Variants in EFCAB13 observed in about 807,000 individuals in gnomAD.
EFCAB13 encodes EF-hand calcium-binding domain-containing protein 13.
Under a neutral mutation model 110.2 loss-of-function variants are expected in EFCAB13, and 91 were observed. The ratio of observed to expected loss-of-function variants is 0.83; its 90% CI spans 0.70 to 0.98. The LOEUF (loss-of-function observed/expected upper bound fraction) is 0.98, where lower values mean the gene tolerates loss of function less well. Among genes scored for constraint, EFCAB13 ranks in the 50% least tolerant of loss-of-function variants. EFCAB13 has a pLI of 0.00. For synonymous variants in EFCAB13, 323 were observed against 369.9 expected (o/e 0.87, Z 1.45); for missense variants, 968 against 1,119.4 (o/e 0.86, Z 1.93).
At chr17:47,396,085 T>C in intron 17 of EFCAB13, 108 bp downstream of exon 17, 1 of 894,012 alleles carries the variant, frequency 1.1e-6, no homozygotes, top group South Asian at 3.0e-5. Flanking sequence ...TGTTCGAATA[T>C]GATTGAAATG....
intron 16 of EFCAB13, 23 bp downstream of exon 16, chr17:47,394,122 C>G (rs2065724799): frequency 6.9e-7 from 1 of 1,452,872 alleles, no homozygotes; most frequent in South Asian, 1.5e-5. Context: ...ATCATGTCTT[C>G]TGCTTTTTGT....
chr17:47,425,764 T>C (rs1322176113), intron 23 of EFCAB13, among the ~76,000 whole-genome samples: 2 of 152,196 alleles, frequency 1.3e-5, no homozygotes, highest in African/African-American at 4.8e-5. Flanking sequence ...GTTGATTCAA[T>C]AGCATGTTAA....
chr17:47,424,872 A>ATTTTTTTTTTTTTT (rs1459453287), intron 23 of EFCAB13, among the ~76,000 whole-genome samples: 12 of 68,364 alleles, frequency 1.8e-4, no homozygotes, highest in South Asian at 4.1e-4. Flanking sequence ...CCGGTTGACA[A>ATTTTTTTTTTTTTT]TCTTTTTTTT....
In EFCAB13 at chr17:47,377,829, C is replaced by G; in HGVS notation, c.1436C>G (p.Ser479Cys). The G allele has an allele frequency of 6.3e-7, 1 of 1,595,894 alleles. No homozygotes were observed. Among genetic ancestry groups the G allele is most frequent in the Non-Finnish European group, 8.5e-7 (1 of 1,175,392 alleles). The change falls in exon 13 of 25, where the codon TCT (serine) becomes TGT (cysteine). Residue 479 changes from serine to cysteine, a missense_variant. Coordinates refer to ENST00000331493, the MANE Select transcript of EFCAB13 (RefSeq NM_152347.5). The stretch of plus-strand genomic sequence containing the variant: ...TACATTGCAGCAGAAGAACTTCAGT[C>G]TATTTTGCCTTCAACAGGAATTAAT... ...ENYIAAEELQ[S>C]ILPSTGINLL...
chr17:47,348,511 A>T (rs1452004467), intron 9 of EFCAB13, among the ~76,000 whole-genome samples: 1 of 152,132 alleles, frequency 6.6e-6, no homozygotes, highest in Non-Finnish European at 1.5e-5. Context: ...CATTATGTAT[A>T]TAATCTTTTG....
intron 17 of EFCAB13, among the ~76,000 whole-genome samples, chr17:47,398,867 A>G (rs939054532): frequency 3.9e-4 from 59 of 152,142 alleles, no homozygotes; most frequent in Non-Finnish European, 8.8e-5. Context: ...ATAAATAAAT[A>G]AATAAAATAA....
intron 4 of EFCAB13, among the ~76,000 whole-genome samples, chr17:47,329,216 G>A (rs904755580): frequency 5.3e-5 from 8 of 152,014 alleles, no homozygotes; most frequent in Non-Finnish European, 1.0e-4. Context: ...AGTAAACAAG[G>A]GGGGCATTCC....
chr17:47,402,043 A>C, intron 17 of EFCAB13, 89 bp from the exon 18 acceptor site: 4 of 944,366 alleles, frequency 4.2e-6, no homozygotes, highest in Non-Finnish European at 5.2e-6. Flanking sequence ...TTAGGAGTGC[A>C]TCAAATGGTT....
intron 4 of EFCAB13, chr17:47,329,994 T>C (rs1451464288): frequency 2.6e-5 from 4 of 152,206 alleles, no homozygotes; most frequent in Non-Finnish European, 5.9e-5. Flanking sequence ...ACAGAGATTC[T>C]CTCTAAACTT....
At chr17:47,406,143 C>T (rs2065803987) in intron 20 of EFCAB13, among the ~76,000 whole-genome samples, 1 of 152,158 alleles carries the variant, frequency 6.6e-6, no homozygotes, top group South Asian at 2.1e-4. Context: ...GACGGAGTCT[C>T]ATTCTGTCGC....
At position 47,440,629 on chromosome 17, in the gene EFCAB13, T is replaced by C; in HGVS notation, c.2837T>C (p.Ile946Thr). The C allele has an allele frequency of 6.2e-7, 1 of 1,611,322 alleles. No homozygotes were observed. Among genetic ancestry groups the C allele is most frequent in the East Asian group, 2.2e-5 (1 of 44,704 alleles). Residue 946 changes from isoleucine to threonine, a missense_variant, in exon 25 of 25, where the codon ATA becomes ACA. Coordinates refer to ENST00000331493, the MANE Select transcript of EFCAB13 (RefSeq NM_152347.5). Reference protein sequence around the residue: ...QVSKKQYNMNIKQHKISLHNF... With the variant: ...QVSKKQYNMNTKQHKISLHNF... ...AGTAAGAAGCAATACAATATGAATA[T>C]AAAACAACACAAGATTAGTTTACAT... is the stretch of plus-strand genomic sequence containing the variant.
intron 10 of EFCAB13, 31 bp downstream of exon 10, chr17:47,361,552 C>A: frequency 6.5e-7 from 1 of 1,547,192 alleles, no homozygotes; most frequent in Non-Finnish European, 8.9e-7. Flanking sequence ...TATATATGTC[C>A]ATATATATGT....
At chr17:47,325,933 T>TATATATC (rs1555575781) in intron 2 of EFCAB13, among the ~76,000 whole-genome samples, 2 of 39,924 alleles carry the variant, frequency 5.0e-5, no homozygotes. Flanking sequence ...AATATATATA[T>TATATATC]ATATATATAT....
intron 2 of EFCAB13, among the ~76,000 whole-genome samples, chr17:47,325,921 AAAATATATATATATATAT>A (rs937455382): frequency 1.6e-4 from 10 of 62,454 alleles, no homozygotes; most frequent in Admixed American, 3.2e-4. Context: ...ATATATAAAC[AAAATATATATATATATAT>A]ATATATATAT....
Position 47,440,703 on chromosome 17 carries a change from T to G in EFCAB13, c.2911T>G (p.Ser971Ala). 6.4e-7 allele frequency: 1 copy of G among 1,561,528 alleles called. No individual in the cohort carries two copies. Among genetic ancestry groups the G allele is most frequent in the Non-Finnish European group, 8.6e-7 (1 of 1,159,438 alleles). ...KANIAKLNPNSKF is the reference protein window; with the variant it reads ...KANIAKLNPNAKF ...AAATATTGCTAAGCTTAACCCAAAC[T>G]CAAAATTTTAGGTAGTCTTACTTGA... The change falls in exon 25 of 25, where the codon TCA becomes GCA. Residue 971 changes from serine (S) to alanine (A), a missense_variant. By Grantham distance (99) the Ser-to-Ala change is moderately conservative. Transcript: ENST00000331493.
At chr17:47,420,720 C>A (rs1438115415) in intron 23 of EFCAB13, among the ~76,000 whole-genome samples, 9 of 151,998 alleles carry the variant, frequency 5.9e-5, no homozygotes, top group African/African-American at 2.2e-4. Flanking sequence ...GCAGCCGCCC[C>A]ATCTGAGAAG....
At chr17:47,327,737 G>GA (rs2065295136) in intron 3 of EFCAB13, among the ~76,000 whole-genome samples, 1 of 152,170 alleles carries the variant, frequency 6.6e-6, no homozygotes, top group Non-Finnish European at 1.5e-5. Flanking sequence ...TTACAGACGT[G>GA]AACCACTGCG....
chr17:47,331,604 T>C (rs1219962187), intron 4 of EFCAB13, among the ~76,000 whole-genome samples: 4 of 152,202 alleles, frequency 2.6e-5, no homozygotes, highest in African/African-American at 9.6e-5. Context: ...GTCCATAGTT[T>C]ACATTAGAGT....
chr17:47,349,674 T>G (rs1447527589), intron 9 of EFCAB13, among the ~76,000 whole-genome samples: 2 of 152,004 alleles, frequency 1.3e-5, no homozygotes, highest in Admixed American at 6.5e-5. Context: ...CTGATGGAGT[T>G]TTTTTCACTT....
Sources: allele counts gnomAD v4.1 joint callset (sites outside exome capture counted in the v4.1 genomes callset), GRCh38; gene constraint gnomAD v4.1.1; transcripts MANE v1.5; gene names NCBI Gene and HGNC (gene_info 2026-07-23, HGNC 2026-07-21).